Variants in BMS1 observed in about 807,000 individuals in gnomAD.
BMS1 encodes ribosome biogenesis protein BMS1 homolog.
Under a neutral mutation model 138.7 loss-of-function variants are expected in BMS1, and 53 were observed. That is an observed-to-expected ratio of 0.38 (90% confidence interval 0.31 to 0.48). BMS1 has a LOEUF of 0.48. Ranked by LOEUF, BMS1 falls within the 20% of genes least tolerant of loss-of-function variation. The pLI is 0.97. For missense variants in BMS1, 1,360 were observed against 1,565.5 expected, an observed-to-expected ratio of 0.87 and a Z score of 2.22; for synonymous variants, 504 against 539.9, an observed-to-expected ratio of 0.93 and a Z score of 0.92.
chr10:42,787,547 C>T (rs544251825), intron 4 of BMS1, among the ~76,000 whole-genome samples: 23 of 152,146 alleles, frequency 1.5e-4, no homozygotes, highest in Non-Finnish European at 2.5e-4. Flanking sequence ...TACATATATA[C>T]GTACAAATAT....
In BMS1 at chr10:42,796,461, C is replaced by A. The variant is rs748615281; in HGVS notation, c.1230-13C>A. 1.9e-6 allele frequency: 3 copies of A among 1,594,130 alleles called. No individual in the cohort carries two copies. Among genetic ancestry groups the A allele is most frequent in the Admixed American group, 3.4e-5 (2 of 58,388 alleles). The stretch of plus-strand genomic sequence containing the variant: ...TACAAATTGAATTATTTTGTATTTC[C>A]TTGGTAATACAGGCTAATGATGCCA... On this transcript the variant is annotated splice_polypyrimidine_tract_variant and intron_variant, in intron 9 of 22. Transcript: ENST00000374518.
chr10:42,816,304 A>C (rs1842348119), intron 13 of BMS1, among the ~76,000 whole-genome samples: 2 of 152,194 alleles, frequency 1.3e-5, no homozygotes, highest in Admixed American at 6.5e-5. Context: ...GTCTCCAAAA[A>C]TAAAAAACAA....
chr10:42,783,379 A>G (rs1841220474), intron 1 of BMS1, among the ~76,000 whole-genome samples: 1 of 152,206 alleles, frequency 6.6e-6, no homozygotes, highest in East Asian at 1.9e-4. Context: ...CACCCTGTGC[A>G]GCCTTCCAAT....
At chr10:42,823,478 G>A (rs1056998726) in intron 20 of BMS1, 131 bp from the exon 21 acceptor site, 5 of 1,139,302 alleles carry the variant, frequency 4.4e-6, no homozygotes, top group African/African-American at 3.2e-5. Flanking sequence ...AGTTTCCTTA[G>A]CGAGCTTTTC....
intron 2 of BMS1, 30 bp from the exon 3 acceptor site, chr10:42,785,448 CTATT>C (rs767921367): frequency 1.3e-5 from 20 of 1,536,588 alleles, no homozygotes; most frequent in East Asian, 2.3e-5. Context: ...AATGAGTTTA[CTATT>C]TATTTATTTG....
At chr10:42,795,329 T>C (rs1841646130) in intron 9 of BMS1, among the ~76,000 whole-genome samples, 1 of 150,704 alleles carries the variant, frequency 6.6e-6, no homozygotes, top group Middle Eastern at 3.2e-3. Context: ...GGTGTATTCT[T>C]TTTTTTTTGT....
Position 42,817,449 on chromosome 10 carries a change from C to G in BMS1, c.2535C>G (p.Ser845Arg). The change falls in exon 15 of 23, where the codon AGC becomes AGG. Residue 845 changes from serine (S) to arginine (R), a missense_variant. Transcript: ENST00000374518. ...ATGCAGAATATGATGAAGGAGAAAG[C>G]ACATATTTTGATGATCTTAAAGGAG... ...MFDAEYDEGE[S>R]TYFDDLKGEM... The G allele has an allele frequency of 6.2e-7, 1 of 1,606,378 alleles. No homozygotes were observed. Among genetic ancestry groups the G allele is most frequent in the East Asian group, 2.2e-5 (1 of 44,852 alleles).
In BMS1 at chr10:42,820,335, C is replaced by G. The variant is rs1481770529; in HGVS notation, c.2680C>G (p.Pro894Ala). 3 of 1,613,632 alleles carry G rather than the reference C, an allele frequency of 1.9e-6. No homozygotes were observed. The highest frequency in any genetic ancestry group is 1.7e-6 in the Non-Finnish European group (2 of 1,179,834). The change falls in exon 16 of 23, where the codon CCC becomes GCC. Residue 894 changes from proline (P) to alanine (A), a missense_variant. Physicochemically the swap from Pro to Ala is conservative, Grantham distance 27 (BLOSUM62 -1). This residue lies in a region of BMS1 where 425 missense variants were observed against 568.3 expected (regional missense o/e 0.75). Coordinates refer to ENST00000374518, the MANE Select transcript of BMS1 (RefSeq NM_014753.4). ...CGTCCGCATTGAGATTGAAAATGTT[C>G]CCTGTGAATTTGTGCAGAACTTTGA... ...MYVRIEIENV[P>A]CEFVQNFDPH...
intron 13 of BMS1, among the ~76,000 whole-genome samples, chr10:42,807,316 C>T (rs1203997598): frequency 6.6e-6 from 1 of 152,088 alleles, no homozygotes; most frequent in Non-Finnish European, 1.5e-5. Context: ...TTGTGAGGGG[C>T]TTTTTTCACT....
chr10:42,818,230 T>C (rs1432600252), intron 15 of BMS1, among the ~76,000 whole-genome samples: 2 of 152,238 alleles, frequency 1.3e-5, no homozygotes. Context: ...GATTAGGCAT[T>C]AGCTTAGTGG....
chr10:42,830,590 C>G (rs1169139758), intron 22 of BMS1, among the ~76,000 whole-genome samples, 168 bp downstream of exon 22: 1 of 152,086 alleles, frequency 6.6e-6, no homozygotes, highest in Non-Finnish European at 1.5e-5. Flanking sequence ...CTGCTCTGCC[C>G]TGTGCTTTTC....
chr10:42,830,859 T>G lies in BMS1; in HGVS notation c.3619-7T>G, dbSNP rs746683387. On this transcript the variant is annotated splice_polypyrimidine_tract_variant and splice_region_variant and intron_variant, in intron 22 of 22. Coordinates refer to ENST00000374518, the MANE Select transcript of BMS1 (RefSeq NM_014753.4). ...TTCTGATACTCACCGGCTTTTGTCCTTGTCAGATCCTTGCACTGCTGGATG... is the reference window on the plus strand; with the variant it reads ...TTCTGATACTCACCGGCTTTTGTCCGTGTCAGATCCTTGCACTGCTGGATG... 2 of 1,605,552 alleles carry G rather than the reference T, an allele frequency of 1.2e-6. No individual in the cohort carries two copies. The highest frequency in any genetic ancestry group is 1.1e-5 in the South Asian group (1 of 89,140).
intron 13 of BMS1, among the ~76,000 whole-genome samples, chr10:42,814,747 C>T (rs1842290498): frequency 6.6e-6 from 1 of 152,214 alleles, no homozygotes; most frequent in African/African-American, 2.4e-5. Context: ...CCAGTCCCTG[C>T]TGTTGCCCAC....
Position 42,798,613 on chromosome 10 carries a change from GGAT to G in BMS1, c.2236_2238del (p.Asp746del). The G allele has an allele frequency of 6.2e-7, 1 of 1,614,174 alleles. No individual in the cohort carries two copies. The highest frequency in any genetic ancestry group is 8.5e-7 in the Non-Finnish European group (1 of 1,180,010). The stretch of plus-strand genomic sequence containing the variant: ...TTCTTGTGGAGGCCCCCCATGACTG[GGAT>G]TTAGAGGAGGTAAGTCTGGGTAGTA... On this transcript the variant is annotated inframe_deletion, in exon 12 of 23. Transcript: ENST00000374518.
At chr10:42,815,490 G>T (rs1842322621) in intron 13 of BMS1, among the ~76,000 whole-genome samples, 1 of 151,934 alleles carries the variant, frequency 6.6e-6, no homozygotes, top group Non-Finnish European at 1.5e-5. Flanking sequence ...TGGTTCTTTG[G>T]CCCTTATGTG....
At chr10:42,789,107 G>C (rs1371884844) in intron 4 of BMS1, among the ~76,000 whole-genome samples, 2 of 152,238 alleles carry the variant, frequency 1.3e-5, no homozygotes, top group African/African-American at 4.8e-5. Flanking sequence ...GTACAGGCGT[G>C]TGTAGATTAG....
At chr10:42,822,449 T>C (rs1233507014) in intron 19 of BMS1, among the ~76,000 whole-genome samples, 2 of 152,360 alleles carry the variant, frequency 1.3e-5, no homozygotes, top group East Asian at 3.9e-4. Flanking sequence ...TGAACTCATA[T>C]TGAAAATATG....
chr10:42,794,055 A>G, intron 9 of BMS1, 64 bp downstream of exon 9: 1 of 1,560,420 alleles, frequency 6.4e-7, no homozygotes, highest in Non-Finnish European at 8.8e-7. Context: ...ATCACCCATA[A>G]TTCAGCCATC....
chr10:42,797,654 G>A (rs576809733), intron 11 of BMS1, 131 bp downstream of exon 11: 1 of 844,540 alleles, frequency 1.2e-6, no homozygotes, highest in South Asian at 1.6e-5. Flanking sequence ...ATATTTGACA[G>A]ATGTCTCTAA....
Sources: gnomAD v4.1 joint callset for allele counts (sites outside exome capture counted in the v4.1 genomes callset) on GRCh38, gnomAD v4.1.1 for gene constraint, gnomAD v4.1.1 regional missense constraint, MANE v1.5 for transcripts, NCBI Gene and HGNC (gene_info 2026-07-23, HGNC 2026-07-21) for gene names.